Variants in TEKT5 observed in about 807,000 individuals in gnomAD.
TEKT5 encodes tektin-5.
In TEKT5, 52 loss-of-function variants were observed where a neutral mutation model predicts 48.7. The observed-to-expected ratio is 1.07, with a 90% CI of 0.86 to 1.35. The LOEUF is 1.35. Ranked by LOEUF, TEKT5 falls within the 40% of genes most tolerant of loss-of-function variation. The pLI, the probability that TEKT5 is intolerant of heterozygous loss-of-function variation, is 0.00. For synonymous variants in TEKT5, 318 were observed against 267.6 expected (o/e 1.19, Z -1.84); for missense variants, 831 against 641.6 (o/e 1.30, Z -3.19).
chr16:10,694,539 G>C lies in TEKT5; in HGVS notation c.335C>G (p.Ala112Gly), dbSNP rs1401389432. The C allele has an allele frequency of 2.5e-6, 4 of 1,606,784 alleles. No homozygotes were observed. Among genetic ancestry groups the C allele is most frequent in the Non-Finnish European group, 3.4e-6 (4 of 1,176,278 alleles). ...VRGAEASRLW[A>G]SRLTDDSMRL... ...CATGGAGTCATCCGTCAGCCGGCTG[G>C]CCCACAGCCGGGAGGCCTCGGCCCC... Residue 112 changes from alanine (A) to glycine (G), a missense_variant, in exon 1 of 7, where the codon GCC becomes GGC. Transcript: ENST00000283025.
At chr16:10,658,989 A>G (rs1364625281) in intron 5 of TEKT5, among the ~76,000 whole-genome samples, 1 of 152,172 alleles carries the variant, frequency 6.6e-6, no homozygotes, top group Admixed American at 6.5e-5. Context: ...AAGTGCTAGG[A>G]TTACAGATGT....
chr16:10,681,387 C>G (rs911400812), intron 4 of TEKT5, among the ~76,000 whole-genome samples: 3 of 150,072 alleles, frequency 2.0e-5, no homozygotes, highest in African/African-American at 7.4e-5. Context: ...GTCTCTCTCT[C>G]TCTCTCTCTC....
chr16:10,693,176 A>C (rs1480603420), intron 1 of TEKT5, among the ~76,000 whole-genome samples: 5 of 152,070 alleles, frequency 3.3e-5, no homozygotes, highest in African/African-American at 1.2e-4. Context: ...GCTCACTGCA[A>C]CCTCCGCCTC....
At position 10,681,976 on chromosome 16, in the gene TEKT5, G is replaced by A. The variant is rs751194884; in HGVS notation, c.863+17C>T. 8 of 1,612,584 alleles carry A rather than the reference G, an allele frequency of 5.0e-6. No homozygotes were observed. Among genetic ancestry groups the A allele is most frequent in the East Asian group, 4.5e-5 (2 of 44,870 alleles). On this transcript the variant is annotated intron_variant, in intron 4 of 6. Coordinates refer to ENST00000283025, the MANE Select transcript of TEKT5 (RefSeq NM_144674.2). ...GTTGGACACGCCAGGGATGGGGAGG[G>A]GGAGTCTGATACTTACGTGCCGTCA...
At chr16:10,636,690 C>CGTGTGTGT (rs34623422) in intron 5 of TEKT5, among the ~76,000 whole-genome samples, 527 of 145,272 alleles carry the variant, frequency 3.6e-3, no homozygotes, top group African/African-American at 7.3e-3. Flanking sequence ...TACATACATA[C>CGTGTGTGT]GTGTGTGTGT....
chr16:10,666,697 AC>A (rs1473851286), intron 5 of TEKT5, among the ~76,000 whole-genome samples: 1 of 152,186 alleles, frequency 6.6e-6, no homozygotes, highest in Non-Finnish European at 1.5e-5. Context: ...TGGGTGGATC[AC>A]CTTATGAAGC....
chr16:10,651,192 G>A (rs77933441), intron 5 of TEKT5, among the ~76,000 whole-genome samples: 2,922 of 152,254 alleles, frequency 0.019, 96 homozygotes, highest in African/African-American at 0.067. Context: ...CACCTGGGAT[G>A]CACCTCCCCA....
chr16:10,652,954 A>G (rs939770129), intron 5 of TEKT5, among the ~76,000 whole-genome samples: 2 of 148,284 alleles, frequency 1.3e-5, no homozygotes, highest in African/African-American at 5.1e-5. Flanking sequence ...AGGTAGAACA[A>G]TCTCTTATAT....
At chr16:10,683,110 G>C (rs896989070) in intron 3 of TEKT5, among the ~76,000 whole-genome samples, 2 of 149,344 alleles carry the variant, frequency 1.3e-5, no homozygotes, top group African/African-American at 5.0e-5. Flanking sequence ...CATTAACTGA[G>C]GGTGAGAGGG....
chr16:10,673,580 C>T (rs905508689), intron 5 of TEKT5, among the ~76,000 whole-genome samples: 1 of 151,860 alleles, frequency 6.6e-6, no homozygotes, highest in African/African-American at 2.4e-5. Flanking sequence ...GTCACCACCA[C>T]AGCACAGGCA....
At chr16:10,630,084 C>T (rs1276889571) in intron 6 of TEKT5, among the ~76,000 whole-genome samples, 1 of 151,958 alleles carries the variant, frequency 6.6e-6, no homozygotes, top group Non-Finnish European at 1.5e-5. Flanking sequence ...TACAGGCGTG[C>T]AAAACTGCAC....
chr16:10,636,264 A>C (rs1021175902), intron 5 of TEKT5, among the ~76,000 whole-genome samples: 16 of 151,718 alleles, frequency 1.1e-4, no homozygotes, highest in African/African-American at 3.9e-4. Flanking sequence ...AATCCCAGCT[A>C]CTCGGGGGAC....
Position 10,642,648 on chromosome 16 carries a change from C to G in TEKT5, c.1087-6730G>C, listed in dbSNP as rs148551793. Among the ~76,000 whole-genome samples, 359 of 152,244 alleles carry G rather than the reference C, an allele frequency of 2.4e-3. 1 individual carries two copies. Among genetic ancestry groups the G allele is most frequent in the African/African-American group, 7.5e-3 (310 of 41,538 alleles). On this transcript the variant is annotated intron_variant, in intron 5 of 6. Coordinates refer to ENST00000283025, the MANE Select transcript of TEKT5 (RefSeq NM_144674.2). ...CCTTAGTCTGGCTTCTTTTACTTAG[C>G]CTATTGTAAGAATCATTCACATTGT...
chr16:10,627,796 C>T lies in TEKT5; in HGVS notation c.1245G>A (p.Leu415=), dbSNP rs1353663365. 1.2e-6 allele frequency: 2 copies of T among 1,613,918 alleles called. No individual in the cohort carries two copies. The highest frequency in any genetic ancestry group is 1.7e-6 in the Non-Finnish European group (2 of 1,180,006). Reference sequence around the variant, plus strand: ...CGTCGATGGTGAACACCTCGTTCACCAGCCTGGGGTGAGGGCAGAGGAGAA... The same window carrying T: ...CGTCGATGGTGAACACCTCGTTCACTAGCCTGGGGTGAGGGCAGAGGAGAA... ...ELCRDIPQLK[L]VNEVFTIDDT... Residue 415 remains leucine (L), a synonymous_variant, in exon 7 of 7, where the codon CTG becomes CTA. Coordinates refer to ENST00000283025, the MANE Select transcript of TEKT5 (RefSeq NM_144674.2).
At chr16:10,684,974 C>T (rs970274848) in intron 3 of TEKT5, among the ~76,000 whole-genome samples, 2 of 152,188 alleles carry the variant, frequency 1.3e-5, no homozygotes, top group Non-Finnish European at 2.9e-5. Context: ...GCAGAGCTTC[C>T]CCAAGGGGGT....
At chr16:10,660,661 CTGTGTGTGTG>C (rs4028826) in intron 5 of TEKT5, among the ~76,000 whole-genome samples, 34,778 of 144,204 alleles carry the variant, frequency 0.24, 4,727 homozygotes, top group East Asian at 0.52. Flanking sequence ...GAGTGCAAGG[CTGTGTGTGTG>C]TGTGTGTGTG....
At chr16:10,689,798 C>G in intron 2 of TEKT5, 144 bp downstream of exon 2, 1 of 733,952 alleles carries the variant, frequency 1.4e-6, no homozygotes, top group Non-Finnish European at 2.2e-6. Context: ...GCAAACTAGA[C>G]CTCCACCCAT....
At position 10,646,779 on chromosome 16, in the gene TEKT5, G is replaced by A. The variant is rs551959479; in HGVS notation, c.1087-10861C>T. Among the ~76,000 whole-genome samples the A allele has an allele frequency of 1.6e-4, 24 of 152,290 alleles. 2 individuals are homozygous for A. In the South Asian group the frequency reaches 4.8e-3, roughly 30 times the overall value. On this transcript the variant is annotated intron_variant, in intron 5 of 6. Transcript: ENST00000283025. Reference sequence around the variant, plus strand: ...CCCAGCCTCCTCCAGAGCCCACCTAGGAAGGAGGCCAGCCCTTCACCTGGT... The same window carrying A: ...CCCAGCCTCCTCCAGAGCCCACCTAAGAAGGAGGCCAGCCCTTCACCTGGT...
At position 10,676,100 on chromosome 16, in the gene TEKT5, C is replaced by A; in HGVS notation, c.945G>T (p.Gln315His). The change falls in exon 5 of 7, where the codon CAG becomes CAT. Residue 315 changes from glutamine to histidine, a missense_variant. Gln to His is a conservative substitution (Grantham distance 24). Transcript: ENST00000283025. ...HSQNMRANSI[Q>H]LREEAEHLFE... ...AGAGGTGCTCCGCCTCCTCCCGCAGCTGGATGGAGTTGGCCCGCATGTTCT... is the reference window on the plus strand; with the variant it reads ...AGAGGTGCTCCGCCTCCTCCCGCAGATGGATGGAGTTGGCCCGCATGTTCT... 6.2e-7 allele frequency: 1 copy of A among 1,614,202 alleles called. No individual in the cohort carries two copies. The highest frequency in any genetic ancestry group is 8.5e-7 in the Non-Finnish European group (1 of 1,180,052).
Sources: allele counts gnomAD v4.1 joint callset (sites outside exome capture counted in the v4.1 genomes callset), GRCh38; gene constraint gnomAD v4.1.1; transcripts MANE v1.5; gene names NCBI Gene and HGNC (gene_info 2026-07-23, HGNC 2026-07-21).